Variants in CAMKMT observed in about 807,000 individuals in gnomAD.
CAMKMT encodes CaM KMT.
In CAMKMT, 53 loss-of-function variants were observed where a neutral mutation model predicts 48.0. That is an observed-to-expected ratio of 1.10 (90% CI 0.89 to 1.39). CAMKMT has a LOEUF of 1.39. CAMKMT is among the 40% of genes most tolerant of loss of function. CAMKMT has a pLI of 0.00. For missense variants in CAMKMT, 428 were observed against 402.7 expected, an observed-to-expected ratio of 1.06 and a Z score of -0.54; for synonymous variants, 165 against 152.3, an observed-to-expected ratio of 1.08 and a Z score of -0.61.
chr2:44,443,211 C>T (rs1572887332), intron 3 of CAMKMT, among the ~76,000 whole-genome samples: 1 of 151,978 alleles, frequency 6.6e-6, no homozygotes, highest in Non-Finnish European at 1.5e-5. Flanking sequence ...AATGGCATAC[C>T]CATTGTTAAC....
At chr2:44,372,649 C>A in intron 1 of CAMKMT, 67 bp from the exon 2 acceptor site, 2 of 1,453,822 alleles carry the variant, frequency 1.4e-6, no homozygotes, top group Non-Finnish European at 1.9e-6. Flanking sequence ...AAATTTTGAA[C>A]ATTTTGAACA....
intron 6 of CAMKMT, among the ~76,000 whole-genome samples, chr2:44,713,797 G>A (rs1678016552): frequency 6.6e-6 from 1 of 152,128 alleles, no homozygotes; most frequent in South Asian, 2.1e-4. Flanking sequence ...GTGCCTGGTG[G>A]TTCAAGCAGA....
At chr2:44,497,050 A>G (rs993521905) in intron 3 of CAMKMT, among the ~76,000 whole-genome samples, 15 of 152,210 alleles carry the variant, frequency 9.9e-5, no homozygotes, top group African/African-American at 3.1e-4. Context: ...TTTATTATTC[A>G]TAGCTACAGT....
chr2:44,708,951 A>G (rs1359793947), intron 6 of CAMKMT, among the ~76,000 whole-genome samples: 1 of 152,082 alleles, frequency 6.6e-6, no homozygotes, highest in African/African-American at 2.4e-5. Flanking sequence ...AACCAATTAG[A>G]ACTTTTATCA....
chr2:44,703,546 G>A (rs369568855), intron 3 of CAMKMT, among the ~76,000 whole-genome samples: 9 of 152,160 alleles, frequency 5.9e-5, no homozygotes, highest in South Asian at 2.1e-4. Context: ...TTGGGAGGCC[G>A]AGGCAGGCAG....
intron 3 of CAMKMT, among the ~76,000 whole-genome samples, chr2:44,615,964 T>C (rs914523740): frequency 3.9e-5 from 6 of 152,208 alleles, no homozygotes; most frequent in African/African-American, 1.4e-4. Flanking sequence ...CAGCCTATTC[T>C]CTGTCCCTTG....
At chr2:44,507,743 C>T (rs1047909779) in intron 3 of CAMKMT, among the ~76,000 whole-genome samples, 1 of 152,138 alleles carries the variant, frequency 6.6e-6, no homozygotes, top group Non-Finnish European at 1.5e-5. Context: ...TAGTGCTACT[C>T]AAAGCACTAG....
chr2:44,624,953 G>C (rs145596644), intron 3 of CAMKMT, among the ~76,000 whole-genome samples: 1 of 152,088 alleles, frequency 6.6e-6, no homozygotes, highest in Non-Finnish European at 1.5e-5. Context: ...CAGTGTAAAA[G>C]TGTTCCTATT....
intron 3 of CAMKMT, among the ~76,000 whole-genome samples, chr2:44,499,364 T>A (rs1669903316): frequency 6.6e-6 from 1 of 152,206 alleles, no homozygotes; most frequent in African/African-American, 2.4e-5. Context: ...TGGTTTCTTG[T>A]CTCTTGGCAG....
chr2:44,691,986 G>C (rs576247383), intron 3 of CAMKMT, among the ~76,000 whole-genome samples: 116 of 152,272 alleles, frequency 7.6e-4, no homozygotes, highest in African/African-American at 2.7e-3. Flanking sequence ...ATATTGTACA[G>C]AGTGAGTCTG....
chr2:44,740,077 A>G (rs1382678794), intron 7 of CAMKMT, among the ~76,000 whole-genome samples: 1 of 151,670 alleles, frequency 6.6e-6, no homozygotes, highest in Non-Finnish European at 1.5e-5. Flanking sequence ...TATTAGGAGC[A>G]TAAGTGTGGT....
intron 2 of CAMKMT, among the ~76,000 whole-genome samples, chr2:44,374,493 G>GTTCAC (rs1679485629): frequency 1.3e-5 from 2 of 152,304 alleles, no homozygotes; most frequent in African/African-American, 4.8e-5. Context: ...TGCATCCACT[G>GTTCAC]GTGAAAAGAG....
At position 44,390,292 on chromosome 2, in the gene CAMKMT, T is replaced by C. The variant is rs772452795; in HGVS notation, c.363T>C (p.Asn121=). ...NVEDVLTSFD[N]TGNVCIWPSE... The stretch of plus-strand genomic sequence containing the variant: ...AAGATGTCCTTACCAGCTTTGACAA[T>C]ACAGGAAATGTTTGTAAGTTATACA... Residue 121 remains asparagine, a synonymous_variant, in exon 3 of 11, where the codon AAT becomes AAC. Coordinates refer to ENST00000378494, the MANE Select transcript of CAMKMT (RefSeq NM_024766.5). 1.3e-5 allele frequency: 21 copies of C among 1,606,262 alleles called. 1 individual carries two copies. In the South Asian group the frequency reaches 1.3e-4, roughly 10 times the overall value.
At chr2:44,505,149 C>G (rs1435338361) in intron 3 of CAMKMT, among the ~76,000 whole-genome samples, 1 of 152,140 alleles carries the variant, frequency 6.6e-6, no homozygotes, top group Non-Finnish European at 1.5e-5. Context: ...CGTTAGGCCC[C>G]ACCTCCAACA....
intron 3 of CAMKMT, among the ~76,000 whole-genome samples, chr2:44,551,405 C>G (rs1443931626): frequency 6.6e-6 from 1 of 152,206 alleles, no homozygotes; most frequent in Middle Eastern, 3.4e-3. Context: ...GCGTGTTGCC[C>G]TTTGTGTTCC....
At chr2:44,435,993 A>G (rs921659629) in intron 3 of CAMKMT, among the ~76,000 whole-genome samples, 1 of 152,248 alleles carries the variant, frequency 6.6e-6, no homozygotes, top group African/African-American at 2.4e-5. Context: ...ATGATTAAAC[A>G]AAGGCTCTGT....
At chr2:44,718,146 C>G (rs1374285725) in intron 7 of CAMKMT, among the ~76,000 whole-genome samples, 1 of 152,206 alleles carries the variant, frequency 6.6e-6, no homozygotes. Context: ...GGCTCTGACG[C>G]TGAACCTTCA....
chr2:44,389,754 C>G (rs1195445758), intron 2 of CAMKMT, among the ~76,000 whole-genome samples: 2 of 152,150 alleles, frequency 1.3e-5, no homozygotes, highest in African/African-American at 4.8e-5. Context: ...GATACAAAAA[C>G]TTTGCTCCCT....
intron 3 of CAMKMT, among the ~76,000 whole-genome samples, chr2:44,426,308 A>G (rs1049604598): frequency 2.0e-5 from 3 of 152,208 alleles, no homozygotes; most frequent in African/African-American, 7.2e-5. Context: ...TACCACTCCT[A>G]TTCAATTTAG....
Sources: allele counts gnomAD v4.1 joint callset (sites outside exome capture counted in the v4.1 genomes callset), GRCh38; gene constraint gnomAD v4.1.1; transcripts MANE v1.5; gene names NCBI Gene and HGNC (gene_info 2026-07-23, HGNC 2026-07-21).